The following ARHGAP32 variants were observed in gnomAD, a reference collection of about 807,000 sequenced individuals.
The protein encoded by ARHGAP32 is Rho GTPase activating protein 32.
ARHGAP32 carries 51 observed loss-of-function variants against 186.5 expected under a neutral mutation model. The observed-to-expected ratio is 0.27, with a 90% CI of 0.22 to 0.35. ARHGAP32 has a LOEUF of 0.35. ARHGAP32 is among the 10% of genes least tolerant of loss of function. The pLI is 1.00. For synonymous variants in ARHGAP32, 950 were observed against 964.3 expected, an observed-to-expected ratio of 0.99 and a Z score of 0.27; for missense variants, 2,186 against 2,623.5, an observed-to-expected ratio of 0.83 and a Z score of 3.64.
chr11:129,107,639 C>T (rs1942084775), intron 5 of ARHGAP32, among the ~76,000 whole-genome samples: 1 of 152,102 alleles, frequency 6.6e-6, no homozygotes, highest in Non-Finnish European at 1.5e-5. Context: ...GAGGCCACAG[C>T]AGGCGGATCG....
rs369792275 is a variant in ARHGAP32, at chr11:128,973,530, G to A, written c.3074-98C>T. On this transcript the variant is annotated intron_variant, in intron 21 of 22. Transcript: ENST00000682385. The stretch of plus-strand genomic sequence containing the variant: ...TCCCCATGTGATCATTAAAAAATAG[G>A]TGCCTTCCATATTTCAAAATGGCAA... The A allele has an allele frequency of 3.5e-5, 46 of 1,328,328 alleles. No homozygotes were observed. In the African/African-American group the frequency reaches 5.4e-4, roughly 16 times the overall value. The allele number at this position is 1,328,328 out of a possible 1,614,324, so 82.3% of individuals were successfully genotyped here. A position where few individuals can be genotyped will look rare whatever the true frequency, so the allele number is the denominator to read the frequency against.
chr11:129,260,105 A>G (rs1455733033), intron 1 of ARHGAP32, among the ~76,000 whole-genome samples: 2 of 152,162 alleles, frequency 1.3e-5, no homozygotes, highest in African/African-American at 4.8e-5. Flanking sequence ...GGGCTGCAAC[A>G]ACTCACTGAT....
At chr11:129,025,484 G>A (rs1938795881) in intron 11 of ARHGAP32, among the ~76,000 whole-genome samples, 1 of 152,180 alleles carries the variant, frequency 6.6e-6, no homozygotes, top group Admixed American at 6.5e-5. Flanking sequence ...GACATCTGCA[G>A]ATTATTGAAT....
At chr11:129,260,172 T>C (rs1945304351) in intron 1 of ARHGAP32, among the ~76,000 whole-genome samples, 1 of 152,184 alleles carries the variant, frequency 6.6e-6, no homozygotes, top group Admixed American at 6.5e-5. Flanking sequence ...GCCATAGTAT[T>C]TCATTTACAC....
intron 1 of ARHGAP32, among the ~76,000 whole-genome samples, chr11:129,235,595 G>A (rs1042218850): frequency 3.9e-5 from 6 of 152,054 alleles, no homozygotes; most frequent in Non-Finnish European, 7.4e-5. Flanking sequence ...AACAGGTGGC[G>A]CTTGGTTACA....
At chr11:129,084,389 T>A (rs1380989394) in intron 6 of ARHGAP32, among the ~76,000 whole-genome samples, 3 of 146,950 alleles carry the variant, frequency 2.0e-5, no homozygotes, top group Non-Finnish European at 4.5e-5. Flanking sequence ...CTCATGAACA[T>A]ACATGCAAAA....
At chr11:129,276,890 T>TG (rs1945538639) in intron 1 of ARHGAP32, among the ~76,000 whole-genome samples, 1 of 152,176 alleles carries the variant, frequency 6.6e-6, no homozygotes, top group Non-Finnish European at 1.5e-5. Context: ...ACAGCTACTA[T>TG]GGGGCAGAAC....
chr11:129,100,017 G>A lies in ARHGAP32; in HGVS notation c.445-6310C>T, dbSNP rs1026887775. ...AACTGGCAAGGAGCAACCTGCACTCGCTACAGGCCTCTGAAACCCTGGCAG... is the reference window on the plus strand; with the variant it reads ...AACTGGCAAGGAGCAACCTGCACTCACTACAGGCCTCTGAAACCCTGGCAG... On this transcript the variant is annotated intron_variant, in intron 5 of 22. Coordinates refer to ENST00000682385, the MANE Select transcript of ARHGAP32 (RefSeq NM_001378024.1). 5.9e-5 allele frequency among the ~76,000 whole-genome samples: 9 copies of A among 152,278 alleles called. No individual in the cohort carries two copies. In the South Asian group the frequency reaches 8.3e-4, roughly 14 times the overall value.
Position 128,980,652 on chromosome 11 carries a change from T to C in ARHGAP32, c.1877A>G (p.Asn626Ser). The C allele has an allele frequency of 1.9e-6, 3 of 1,614,100 alleles. No individual in the cohort carries two copies. Among genetic ancestry groups the C allele is most frequent in the Non-Finnish European group, 1.7e-6 (2 of 1,179,956 alleles). ...TTTATTTTCCGTCACAATTGGAGAA[T>C]TGACCTGAGCTTGTGTTCGTGCCTG... Reference protein sequence around the residue: ...EAQARTQAQVNSPIVTENKYI... With the variant: ...EAQARTQAQVSSPIVTENKYI... The change falls in exon 18 of 23, where the codon AAT becomes AGT. Residue 626 changes from asparagine to serine, a missense_variant. By Grantham distance (46) the Asn-to-Ser change is conservative. Transcript: ENST00000682385.
At chr11:128,991,765 G>A (rs916596373) in intron 12 of ARHGAP32, among the ~76,000 whole-genome samples, 2 of 152,126 alleles carry the variant, frequency 1.3e-5, no homozygotes, top group South Asian at 2.1e-4. Flanking sequence ...ATCATCATAC[G>A]ACAACAGAAT....
At chr11:129,169,841 C>T (rs1473034535) in intron 1 of ARHGAP32, among the ~76,000 whole-genome samples, 1 of 151,980 alleles carries the variant, frequency 6.6e-6, no homozygotes. Context: ...ATCCATTGAA[C>T]TCTTTTAAAC....
In ARHGAP32 at chr11:129,276,339, T is replaced by C. The variant is rs531475334; in HGVS notation, c.-5+2807A>G. The stretch of plus-strand genomic sequence containing the variant: ...GTTTTGAGACAGGATCTCACTCTGT[T>C]GACCAGGCTCAAGGGCAGTGGCACA... On this transcript the variant is annotated intron_variant, in intron 1 of 6. Transcript: ENST00000525234. Among the ~76,000 whole-genome samples, 4 of 152,334 alleles carry C rather than the reference T, an allele frequency of 2.6e-5. No individual in the cohort carries two copies. In the South Asian group the frequency reaches 8.3e-4, roughly 32 times the overall value.
chr11:129,014,484 T>A (rs959821988), intron 11 of ARHGAP32, among the ~76,000 whole-genome samples: 2 of 152,240 alleles, frequency 1.3e-5, no homozygotes, highest in African/African-American at 4.8e-5. Flanking sequence ...TGACTTAAGA[T>A]AAATCTGGGC....
intron 1 of ARHGAP32, among the ~76,000 whole-genome samples, chr11:129,249,713 A>C (rs888820261): frequency 6.6e-6 from 1 of 152,250 alleles, no homozygotes; most frequent in African/African-American, 2.4e-5. Context: ...TGACTAAATA[A>C]GGAAACAAAT....
intron 1 of ARHGAP32, among the ~76,000 whole-genome samples, chr11:129,278,154 AG>A (rs1191761470): frequency 1.3e-5 from 2 of 152,260 alleles, no homozygotes; most frequent in African/African-American, 4.8e-5. Flanking sequence ...CTGACTTAAA[AG>A]GTCTAAATCT....
intron 1 of ARHGAP32, among the ~76,000 whole-genome samples, chr11:129,185,754 C>T (rs1197756175): frequency 6.6e-6 from 1 of 151,828 alleles, no homozygotes; most frequent in Non-Finnish European, 1.5e-5. Flanking sequence ...TCCTAAAGAT[C>T]TTATTTTATA....
chr11:129,216,157 T>C (rs1944641544), intron 1 of ARHGAP32, among the ~76,000 whole-genome samples: 1 of 152,058 alleles, frequency 6.6e-6, no homozygotes, highest in African/African-American at 2.4e-5. Context: ...AAGTTTCTAC[T>C]CTTATAGCCG....
chr11:129,031,884 G>A (rs769673398), intron 11 of ARHGAP32, among the ~76,000 whole-genome samples: 22 of 152,146 alleles, frequency 1.4e-4, no homozygotes, highest in Non-Finnish European at 2.5e-4. Flanking sequence ...AGAAGCAGCC[G>A]GACGTTTGAG....
At chr11:129,239,696 G>C (rs1944988879) in intron 1 of ARHGAP32, among the ~76,000 whole-genome samples, 1 of 152,054 alleles carries the variant, frequency 6.6e-6, no homozygotes, top group Non-Finnish European at 1.5e-5. Context: ...TGCTAATATA[G>C]ATTACTGGCC....
Sources: allele counts gnomAD v4.1 joint callset (sites outside exome capture counted in the v4.1 genomes callset), GRCh38; gene constraint gnomAD v4.1.1; transcripts MANE v1.5; gene names NCBI Gene and HGNC (gene_info 2026-07-23, HGNC 2026-07-21).